The following RORA variants were observed in gnomAD, a reference collection of about 807,000 sequenced individuals.
RORA encodes the protein nuclear receptor ROR-alpha.
A neutral mutation model predicts 69.5 loss-of-function variants in RORA; 7 were observed. The ratio of observed to expected loss-of-function variants is 0.10; its 90% CI spans 0.06 to 0.19. The LOEUF is 0.19. Among genes scored for constraint, RORA ranks in the 10% least tolerant of loss-of-function variants. RORA has a pLI of 1.00. For synonymous variants in RORA, 261 were observed against 240.8 expected, an observed-to-expected ratio of 1.08 and a Z score of -0.78; for missense variants, 457 against 663.0, an observed-to-expected ratio of 0.69 and a Z score of 3.41.
At chr15:60,882,578 A>G (rs1247333778) in intron 1 of RORA, among the ~76,000 whole-genome samples, 2 of 152,016 alleles carry the variant, frequency 1.3e-5, no homozygotes, top group African/African-American at 2.4e-5. Context: ...GTAGTGCTAT[A>G]TATTTCCTCT....
At chr15:60,516,029 T>A (rs1247828926) in intron 3 of RORA, among the ~76,000 whole-genome samples, 6 of 8,158 alleles carry the variant, frequency 7.4e-4, no homozygotes, top group South Asian at 8.9e-3. Flanking sequence ...ATTTATATAT[T>A]TATATATATT....
chr15:60,976,779 A>T (rs1011157949), intron 1 of RORA, among the ~76,000 whole-genome samples: 2 of 152,136 alleles, frequency 1.3e-5, no homozygotes, highest in African/African-American at 2.4e-5. Context: ...GTGAGCAGGG[A>T]TTGCAGGGGC....
chr15:61,009,184 T>G (rs1895013597), intron 1 of RORA, among the ~76,000 whole-genome samples: 1 of 152,216 alleles, frequency 6.6e-6, no homozygotes, highest in African/African-American at 2.4e-5. Flanking sequence ...AAACTTGGTG[T>G]TCTCCATCCC....
At chr15:60,509,422 G>C (rs1399120071) in intron 5 of RORA, among the ~76,000 whole-genome samples, 1 of 152,198 alleles carries the variant, frequency 6.6e-6, no homozygotes, top group African/African-American at 2.4e-5. Flanking sequence ...GACTGCACTG[G>C]AAAGTGAGAC....
At chr15:60,869,370 T>C (rs769891950) in intron 1 of RORA, among the ~76,000 whole-genome samples, 20 of 152,330 alleles carry the variant, frequency 1.3e-4, no homozygotes, top group Non-Finnish European at 2.4e-4. Context: ...GTTGGGACTA[T>C]AGGTGTCACC....
intron 1 of RORA, among the ~76,000 whole-genome samples, chr15:61,051,732 C>A (rs1332643684): frequency 2.0e-5 from 3 of 152,188 alleles, no homozygotes; most frequent in Admixed American, 2.0e-4. Flanking sequence ...TTGGCCAACA[C>A]TTCTACATGC....
chr15:60,914,267 G>C (rs1891807994), intron 1 of RORA, among the ~76,000 whole-genome samples: 1 of 152,140 alleles, frequency 6.6e-6, no homozygotes, highest in Non-Finnish European at 1.5e-5. Flanking sequence ...CGAGAGAAAG[G>C]GTGGGAGGCT....
chr15:61,062,039 G>A (rs1319733408), intron 1 of RORA, among the ~76,000 whole-genome samples: 9 of 152,096 alleles, frequency 5.9e-5, no homozygotes, highest in African/African-American at 1.9e-4. Flanking sequence ...CTCTAGCCTG[G>A]GCCAGAGAAC....
At chr15:61,166,099 A>G (rs1303174652) in intron 1 of RORA, among the ~76,000 whole-genome samples, 1 of 152,206 alleles carries the variant, frequency 6.6e-6, no homozygotes, top group African/African-American at 2.4e-5. Context: ...CAATGAAAGG[A>G]TATTCCAGTA....
At chr15:60,541,040 A>G (rs907493559) in intron 2 of RORA, among the ~76,000 whole-genome samples, 8 of 152,210 alleles carry the variant, frequency 5.3e-5, no homozygotes, top group Admixed American at 5.2e-4. Flanking sequence ...TAGAATTAAT[A>G]AGAGGATGAA....
intron 1 of RORA, among the ~76,000 whole-genome samples, chr15:60,686,034 A>G (rs1316454871): frequency 6.6e-6 from 1 of 152,164 alleles, no homozygotes. Context: ...GGGAATGGAT[A>G]AGAGGAATTT....
chr15:60,552,797 A>G (rs2067260450), intron 2 of RORA, among the ~76,000 whole-genome samples: 1 of 152,254 alleles, frequency 6.6e-6, no homozygotes, highest in Admixed American at 6.5e-5. Flanking sequence ...AGGAATTCAC[A>G]GGATTAAAAG....
chr15:60,788,523 T>C (rs1006051251), intron 1 of RORA, among the ~76,000 whole-genome samples: 1 of 152,156 alleles, frequency 6.6e-6, no homozygotes, highest in African/African-American at 2.4e-5. Flanking sequence ...GAAACTCCTT[T>C]CTCTACTAAT....
chr15:60,745,274 G>A (rs373112283), intron 1 of RORA, among the ~76,000 whole-genome samples: 178 of 152,258 alleles, frequency 1.2e-3, no homozygotes, highest in South Asian at 0.011. Context: ...CAGAGGCAAC[G>A]GCTAGGCTGA....
chr15:61,138,737 G>A (rs187165747), intron 1 of RORA, among the ~76,000 whole-genome samples: 1 of 151,580 alleles, frequency 6.6e-6, no homozygotes, highest in East Asian at 1.9e-4. Flanking sequence ...TGCTCTGAGG[G>A]GGAAAAAAAG....
rs143042440 is a variant in RORA, at chr15:60,989,223, TC to T, written c.166+239829del. ...ATACTTATTAAGTAATTGCTCCCCATCCCCTTCTCCTCTCATGTCCTCTTAA... is the reference window on the plus strand; with the variant it reads ...ATACTTATTAAGTAATTGCTCCCCATCCCTTCTCCTCTCATGTCCTCTTAA... On this transcript the variant is annotated intron_variant, in intron 1 of 10. Transcript: ENST00000335670. Among the ~76,000 whole-genome samples the T allele has an allele frequency of 6.6e-3, 1,004 of 152,300 alleles. 17 individuals carry two copies. Among genetic ancestry groups the T allele is most frequent in the African/African-American group, 0.023 (953 of 41,576 alleles).
chr15:60,586,445 G>C (rs184342291), intron 2 of RORA, among the ~76,000 whole-genome samples: 53 of 151,920 alleles, frequency 3.5e-4, no homozygotes, highest in African/African-American at 1.2e-3. Flanking sequence ...CAGATATTAC[G>C]TATTAGAGGG....
chr15:61,137,695 T>C (rs1388194783), intron 1 of RORA, among the ~76,000 whole-genome samples: 2 of 152,202 alleles, frequency 1.3e-5, no homozygotes, highest in African/African-American at 2.4e-5. Flanking sequence ...AAACATGTGC[T>C]TAGATGAGTG....
chr15:60,823,040 CTCTT>C (rs752974541), intron 1 of RORA, among the ~76,000 whole-genome samples: 155 of 148,902 alleles, frequency 1.0e-3, no homozygotes, highest in Non-Finnish European at 1.7e-3. Flanking sequence ...TTCCTTCCCT[CTCTT>C]TCTCTCTCCC....
Sources: gnomAD v4.1 joint callset for allele counts (sites outside exome capture counted in the v4.1 genomes callset) on GRCh38, gnomAD v4.1.1 for gene constraint, MANE v1.5 for transcripts, NCBI Gene and HGNC (gene_info 2026-07-23, HGNC 2026-07-21) for gene names.